The following DIS3L2 variants were observed in gnomAD, a reference collection of about 807,000 sequenced individuals.
DIS3L2 encodes the protein DIS3 like 3'-5' exoribonuclease 2.
Under a neutral mutation model 97.5 loss-of-function variants are expected in DIS3L2, and 34 were observed. The observed-to-expected ratio is 0.35, with a 90% CI of 0.27 to 0.46. The LOEUF is 0.46. Among genes scored for constraint, DIS3L2 ranks in the 20% least tolerant of loss-of-function variants. The pLI is 1.00. For missense variants in DIS3L2, 1,038 were observed against 1,146.0 expected (o/e 0.91, Z 1.36); for synonymous variants, 435 against 445.2 (o/e 0.98, Z 0.29).
intron 15 of DIS3L2, 62 bp from the exon 16 acceptor site, chr2:232,330,628 G>T: frequency 6.4e-7 from 1 of 1,556,314 alleles, no homozygotes. Flanking sequence ...CGGATGACAG[G>T]GCCCAGAGTC....
intron 1 of DIS3L2, among the ~76,000 whole-genome samples, chr2:231,974,539 TC>T (rs1252106197): frequency 8.8e-5 from 13 of 147,844 alleles, no homozygotes; most frequent in East Asian, 1.9e-4. Flanking sequence ...TTAATTTGGA[TC>T]TTTTTTTTTT....
rs1690513590 is a variant in DIS3L2, at chr2:232,157,077, T to C, written c.951-6382T>C. ...ACTTCTGAGTAACCTCTCAGTTGGC[T>C]TGAGTTGCACATAAGTTTTTTTTGG... On this transcript the variant is annotated intron_variant, in intron 8 of 20. Coordinates refer to ENST00000325385, the MANE Select transcript of DIS3L2 (RefSeq NM_152383.5). Among the ~76,000 whole-genome samples, 2 of 152,082 alleles carry C rather than the reference T, an allele frequency of 1.3e-5. 1 individual carries two copies. The highest frequency in any genetic ancestry group is 4.1e-4 in the South Asian group (2 of 4,830).
chr2:232,340,681 C>T (rs1237374751), downstream of DIS3L2: 1 of 468,984 alleles, frequency 2.1e-6, no homozygotes. Flanking sequence ...CATTCCATGA[C>T]CAGGGACTGG....
intron 9 of DIS3L2, 27 bp downstream of exon 9, chr2:232,163,659 GT>G (rs1690721895): frequency 1.2e-6 from 2 of 1,603,058 alleles, no homozygotes; most frequent in South Asian, 2.2e-5. Flanking sequence ...CTTTAAGAAC[GT>G]ATATCTCCCT....
chr2:232,339,773 G>C (rs1261102940), downstream of DIS3L2: 5 of 454,428 alleles, frequency 1.1e-5, no homozygotes, highest in Non-Finnish European at 2.2e-5. Context: ...TGGGAGCGCA[G>C]GCAGGATGGG....
intron 13 of DIS3L2, among the ~76,000 whole-genome samples, chr2:232,265,975 T>C (rs1252978563): frequency 6.6e-6 from 1 of 152,260 alleles, no homozygotes; most frequent in Non-Finnish European, 1.5e-5. Context: ...AGTGATGGGT[T>C]TGTCTTCCTC....
chr2:232,249,131 C>A, intron 11 of DIS3L2, 108 bp from the exon 12 acceptor site: 1 of 1,027,950 alleles, frequency 9.7e-7, no homozygotes, highest in Non-Finnish European at 1.5e-6. Context: ...CCACCTCCAT[C>A]TTCAGCTTGC....
At chr2:231,990,464 T>A (rs1222303252) in intron 1 of DIS3L2, among the ~76,000 whole-genome samples, 1 of 152,208 alleles carries the variant, frequency 6.6e-6, no homozygotes, top group Non-Finnish European at 1.5e-5. Context: ...TCTTAGTCGC[T>A]TCAGTGTAAT....
intron 3 of DIS3L2, among the ~76,000 whole-genome samples, chr2:232,021,302 G>T (rs1694503371): frequency 6.6e-6 from 1 of 152,148 alleles, no homozygotes; most frequent in African/African-American, 2.4e-5. Flanking sequence ...GGCTAGAGAA[G>T]GGAGTAAACA....
At chr2:232,170,359 A>G (rs1466680889) in intron 9 of DIS3L2, among the ~76,000 whole-genome samples, 1 of 152,352 alleles carries the variant, frequency 6.6e-6, no homozygotes, top group East Asian at 1.9e-4. Context: ...ATACCACACT[A>G]AACCGATCTT....
chr2:232,035,834 C>T (rs917301762), intron 5 of DIS3L2, among the ~76,000 whole-genome samples: 1 of 152,198 alleles, frequency 6.6e-6, no homozygotes, highest in Non-Finnish European at 1.5e-5. Context: ...GGCCCTCACT[C>T]TCTTCTGGCT....
chr2:232,252,159 G>A (rs1421617828), intron 12 of DIS3L2, among the ~76,000 whole-genome samples: 2 of 152,218 alleles, frequency 1.3e-5, no homozygotes, highest in Admixed American at 1.3e-4. Flanking sequence ...TGTTATCCTA[G>A]CACTTTGGCA....
intron 5 of DIS3L2, among the ~76,000 whole-genome samples, chr2:232,071,748 C>T (rs1261038349): frequency 2.0e-5 from 3 of 152,088 alleles, no homozygotes; most frequent in Admixed American, 2.0e-4. Flanking sequence ...CTATGTTGCC[C>T]AGGTTGGTCT....
intron 10 of DIS3L2, among the ~76,000 whole-genome samples, chr2:232,225,815 A>G (rs1218326130): frequency 3.3e-5 from 5 of 152,252 alleles, no homozygotes; most frequent in Non-Finnish European, 7.3e-5. Context: ...ATAATTTAAT[A>G]TGGTATATCC....
rs140510417 is a variant in DIS3L2, at chr2:232,298,919, C to T, written c.1660-1121C>T. Among the ~76,000 whole-genome samples the T allele has an allele frequency of 3.9e-5, 6 of 152,332 alleles. No individual in the cohort carries two copies. The East Asian group carries it at 1.2e-3, about 29-fold the overall frequency. Reference sequence around the variant, plus strand: ...TCTGGAATCCAGAAAGAAACCAAGACTTTCCCAGAGTTCCTGTTCCTGATC... The same window carrying T: ...TCTGGAATCCAGAAAGAAACCAAGATTTTCCCAGAGTTCCTGTTCCTGATC... On this transcript the variant is annotated intron_variant, in intron 13 of 20. Transcript: ENST00000325385.
intron 5 of DIS3L2, among the ~76,000 whole-genome samples, chr2:232,077,974 TTTC>T (rs1230520220): frequency 2.8e-4 from 36 of 130,638 alleles, no homozygotes; most frequent in Non-Finnish European, 4.6e-4. Context: ...TCTTTCTTTC[TTTC>T]TTTCTTTCTT....
chr2:231,996,373 C>T (rs1015145447), intron 1 of DIS3L2, among the ~76,000 whole-genome samples: 4 of 152,154 alleles, frequency 2.6e-5, no homozygotes, highest in Non-Finnish European at 1.5e-5. Flanking sequence ...ATCTTGTATA[C>T]ACCTAGGTCC....
intron 19 of DIS3L2, chr2:232,335,525 CCACTTGCCCCCCAT>C (rs1202886547): frequency 3.7e-6 from 2 of 535,958 alleles, no homozygotes; most frequent in African/African-American, 3.8e-5. Context: ...GGACCCCCCA[CCACTTGCCCCCCAT>C]AGCACACAGA....
At chr2:232,002,042 G>T (rs1391031895) in intron 1 of DIS3L2, among the ~76,000 whole-genome samples, 2 of 151,922 alleles carry the variant, frequency 1.3e-5, no homozygotes, top group African/African-American at 2.4e-5. Flanking sequence ...TTTTGACTTG[G>T]TTTTTGTATA....
Sources: allele counts gnomAD v4.1 joint callset (sites outside exome capture counted in the v4.1 genomes callset), GRCh38; gene constraint gnomAD v4.1.1; transcripts MANE v1.5; gene names NCBI Gene and HGNC (gene_info 2026-07-23, HGNC 2026-07-21).